The following SCAPER variants were observed in gnomAD, a reference collection of about 807,000 sequenced individuals.
The protein encoded by SCAPER is S phase cyclin A-associated protein in the endoplasmic reticulum.
Under a neutral mutation model 182.2 loss-of-function variants are expected in SCAPER, and 98 were observed. The observed-to-expected ratio is 0.54, with a 90% CI of 0.46 to 0.64. SCAPER has a LOEUF of 0.64. Ranked by LOEUF, SCAPER falls within the 30% of genes least tolerant of loss-of-function variation. The probability of loss-of-function intolerance (pLI) is 0.00; values close to 1 mark genes in which losing one functional copy is unlikely to be tolerated. For missense variants in SCAPER, 1,432 were observed against 1,690.0 expected (o/e 0.85, Z 2.68); for synonymous variants, 605 against 564.6 (o/e 1.07, Z -1.01).
chr15:76,617,160 T>C (rs1003595554), intron 22 of SCAPER, among the ~76,000 whole-genome samples: 7 of 152,228 alleles, frequency 4.6e-5, no homozygotes, highest in Admixed American at 1.3e-4. Flanking sequence ...CACTTTGATA[T>C]AGTCAAAGTC....
At chr15:76,767,322 G>C (rs1171896772) in intron 10 of SCAPER, among the ~76,000 whole-genome samples, 4 of 152,018 alleles carry the variant, frequency 2.6e-5, no homozygotes, top group Non-Finnish European at 4.4e-5. Context: ...TCAATGACTT[G>C]CCTTATTTAC....
At chr15:76,528,062 C>A (rs1039579763) in intron 23 of SCAPER, among the ~76,000 whole-genome samples, 1 of 152,070 alleles carries the variant, frequency 6.6e-6, no homozygotes, top group African/African-American at 2.4e-5. Flanking sequence ...TCTTAAAGAA[C>A]CAGATAGTAA....
chr15:76,588,465 T>C (rs2048852594), intron 22 of SCAPER, among the ~76,000 whole-genome samples: 1 of 152,242 alleles, frequency 6.6e-6, no homozygotes, highest in Admixed American at 6.5e-5. Flanking sequence ...TCTACCCCTT[T>C]ACCTTAAGTT....
chr15:76,869,780 AAT>A (rs1371268118), intron 2 of SCAPER, among the ~76,000 whole-genome samples: 5 of 152,196 alleles, frequency 3.3e-5, no homozygotes, highest in Non-Finnish European at 5.9e-5. Flanking sequence ...AAAGGAAACT[AAT>A]ATATCAAAAA....
intron 24 of SCAPER, among the ~76,000 whole-genome samples, chr15:76,481,918 T>C (rs548001215): frequency 1.7e-4 from 26 of 152,236 alleles, no homozygotes; most frequent in African/African-American, 3.9e-4. Flanking sequence ...TGCCTGCATA[T>C]ACATGGTGAA....
chr15:76,705,568 A>G (rs1205459095), intron 18 of SCAPER, among the ~76,000 whole-genome samples: 1 of 151,996 alleles, frequency 6.6e-6, no homozygotes. Flanking sequence ...AAAGGACACA[A>G]GAAGATGGCT....
In SCAPER at chr15:76,574,277, G is replaced by T. The variant is rs1001736317; in HGVS notation, c.2719C>A (p.Arg907=). ...TGTTTTAGAAGATCTTTGGCTAATC[G>T]CTGAAGCCTTTAATACCAAATGAAA... is the stretch of plus-strand genomic sequence containing the variant. ...SDSPYKAKLQ[R]LAKDLLKQVQ... Residue 907 remains arginine, a synonymous_variant, in exon 23 of 32, where the codon CGA becomes AGA. Coordinates refer to ENST00000563290, the MANE Select transcript of SCAPER (RefSeq NM_020843.4). The T allele has an allele frequency of 6.2e-7, 1 of 1,610,634 alleles. No homozygotes were observed. Among genetic ancestry groups the T allele is most frequent in the Middle Eastern group, 1.7e-4 (1 of 6,048 alleles).
chr15:76,730,311 G>A (rs985300151), intron 16 of SCAPER, among the ~76,000 whole-genome samples: 4 of 151,894 alleles, frequency 2.6e-5, no homozygotes, highest in Non-Finnish European at 5.9e-5. Context: ...GGGGTAGGTG[G>A]TATAAGAAGA....
In SCAPER at chr15:76,353,363, T is replaced by C. The variant is rs148687199; in HGVS notation, c.4047+586A>G. 5.4e-3 allele frequency among the ~76,000 whole-genome samples: 823 copies of C among 152,338 alleles called. 13 individuals carry two copies. Among genetic ancestry groups the C allele is most frequent in the African/African-American group, 0.019 (783 of 41,586 alleles). ...TTAGTTAGTAGCAAATGTTAAAGCATAGTCAACTTGGTTTTTCAGCTGACT... is the reference window on the plus strand; with the variant it reads ...TTAGTTAGTAGCAAATGTTAAAGCACAGTCAACTTGGTTTTTCAGCTGACT... On this transcript the variant is annotated intron_variant, in intron 30 of 31. Coordinates refer to ENST00000563290, the MANE Select transcript of SCAPER (RefSeq NM_020843.4).
intron 29 of SCAPER, among the ~76,000 whole-genome samples, chr15:76,361,991 T>A (rs2041452541): frequency 6.6e-6 from 1 of 151,956 alleles, no homozygotes; most frequent in Non-Finnish European, 1.5e-5. Flanking sequence ...TTTTTTTTTT[T>A]AGAGGGAGTT....
chr15:76,791,232 T>C (rs998198339), intron 8 of SCAPER, among the ~76,000 whole-genome samples: 4 of 152,216 alleles, frequency 2.6e-5, no homozygotes, highest in African/African-American at 9.6e-5. Flanking sequence ...AAATGTTCCA[T>C]ATGTGCTTGA....
intron 22 of SCAPER, among the ~76,000 whole-genome samples, chr15:76,613,622 G>C (rs2051193795): frequency 6.6e-6 from 1 of 152,150 alleles, no homozygotes; most frequent in Non-Finnish European, 1.5e-5. Flanking sequence ...CTTTTCTAAA[G>C]AAGATACACA....
intron 22 of SCAPER, among the ~76,000 whole-genome samples, chr15:76,580,916 C>G (rs149628430): frequency 0.014 from 2,084 of 151,826 alleles, 21 homozygotes; most frequent in Non-Finnish European, 0.022. Flanking sequence ...TTTAGTCAGA[C>G]TAAGAAGAAA....
At chr15:76,759,409 T>C (rs1217019872) in intron 14 of SCAPER, among the ~76,000 whole-genome samples, 1 of 152,144 alleles carries the variant, frequency 6.6e-6, no homozygotes, top group African/African-American at 2.4e-5. Flanking sequence ...ATGGGCACTA[T>C]GGGGAGCTGA....
At chr15:76,895,931 T>C (rs2074412233) in intron 1 of SCAPER, among the ~76,000 whole-genome samples, 1 of 151,832 alleles carries the variant, frequency 6.6e-6, no homozygotes. Context: ...TCCCAGCTAC[T>C]TGGGAAGCTG....
At chr15:76,697,932 G>A (rs908949102) in intron 20 of SCAPER, among the ~76,000 whole-genome samples, 2 of 151,940 alleles carry the variant, frequency 1.3e-5, no homozygotes, top group African/African-American at 2.4e-5. Context: ...GAGCCACCGC[G>A]CCTGGCCACA....
intron 15 of SCAPER, among the ~76,000 whole-genome samples, chr15:76,738,415 T>C (rs942866427): frequency 6.6e-6 from 1 of 152,060 alleles, no homozygotes; most frequent in African/African-American, 2.4e-5. Context: ...AAGTGAAAGA[T>C]GTAAAACTCT....
At chr15:76,524,575 T>C (rs1184483251) in intron 23 of SCAPER, among the ~76,000 whole-genome samples, 3 of 152,144 alleles carry the variant, frequency 2.0e-5, no homozygotes, top group South Asian at 2.1e-4. Context: ...TATATTTTTA[T>C]GACACTCAGA....
At chr15:76,857,685 G>C in intron 4 of SCAPER, 124 bp downstream of exon 4, 1 of 653,606 alleles carries the variant, frequency 1.5e-6, no homozygotes, top group East Asian at 2.9e-5. Flanking sequence ...TTTTTAAAAA[G>C]TACATTAAAT....
Sources: allele counts gnomAD v4.1 joint callset (sites outside exome capture counted in the v4.1 genomes callset), GRCh38; gene constraint gnomAD v4.1.1; transcripts MANE v1.5; gene names NCBI Gene and HGNC (gene_info 2026-07-23, HGNC 2026-07-21).